The following CENPP variants were observed in gnomAD, a reference collection of about 807,000 sequenced individuals.
CENPP encodes the protein centromere protein P.
A neutral mutation model predicts 35.6 loss-of-function variants in CENPP; 24 were observed. The ratio of observed to expected loss-of-function variants is 0.67; its 90% CI spans 0.49 to 0.95. CENPP has a LOEUF of 0.95. Ranked by LOEUF, CENPP falls within the 40% of genes least tolerant of loss-of-function variation. The pLI is 0.00. For synonymous variants in CENPP, 120 were observed against 125.5 expected, an observed-to-expected ratio of 0.96 and a Z score of 0.29; for missense variants, 332 against 345.3, an observed-to-expected ratio of 0.96 and a Z score of 0.31.
intron 5 of CENPP, among the ~76,000 whole-genome samples, chr9:92,572,802 T>C (rs1217967828): frequency 6.6e-6 from 1 of 152,210 alleles, no homozygotes; most frequent in East Asian, 1.9e-4. Flanking sequence ...TTATTCTTTT[T>C]TTCTCTAAAC....
At chr9:92,391,774 A>G (rs1340439191) in intron 5 of CENPP, among the ~76,000 whole-genome samples, 2 of 152,232 alleles carry the variant, frequency 1.3e-5, no homozygotes, top group African/African-American at 4.8e-5. Context: ...GGGAATGTGC[A>G]TGTCAAGTAA....
chr9:92,557,316 C>T (rs992989894), intron 5 of CENPP, among the ~76,000 whole-genome samples: 4 of 152,158 alleles, frequency 2.6e-5, no homozygotes, highest in Admixed American at 1.3e-4. Context: ...GATCATTTTG[C>T]GATGAATTTC....
chr9:92,428,248 C>G (rs1285255659), intron 5 of CENPP, among the ~76,000 whole-genome samples: 1 of 152,150 alleles, frequency 6.6e-6, no homozygotes, highest in Non-Finnish European at 1.5e-5. Context: ...CCATGCCAAC[C>G]CTGACCACTC....
At chr9:92,394,632 T>C (rs1842819368) in intron 5 of CENPP, among the ~76,000 whole-genome samples, 1 of 152,034 alleles carries the variant, frequency 6.6e-6, no homozygotes, top group Non-Finnish European at 1.5e-5. Context: ...TGAGATGAAG[T>C]CTCGCTTCGT....
intron 4 of CENPP, among the ~76,000 whole-genome samples, chr9:92,351,286 C>T (rs1172098505): frequency 6.6e-6 from 1 of 151,980 alleles, no homozygotes; most frequent in East Asian, 1.9e-4. Flanking sequence ...GTCAGGAGTT[C>T]AAATCCAGCA....
At chr9:92,385,716 A>G in intron 5 of CENPP, 1 of 1,614,164 alleles carries the variant, frequency 6.2e-7, no homozygotes, top group Non-Finnish European at 8.5e-7. Flanking sequence ...GTATCTCTTC[A>G]ATGCGGTCCC....
intron 5 of CENPP, among the ~76,000 whole-genome samples, chr9:92,585,498 T>G (rs1056205904): frequency 5.9e-5 from 9 of 152,208 alleles, no homozygotes; most frequent in African/African-American, 1.9e-4. Context: ...TGTATGGACT[T>G]GATTTCATTT....
chr9:92,505,390 C>A, intron 5 of CENPP: 1 of 715,728 alleles, frequency 1.4e-6, no homozygotes, highest in African/African-American at 1.9e-5. Flanking sequence ...GAAGAAAAAA[C>A]AATGCTTAAA....
chr9:92,380,104 G>A (rs1011194283), intron 5 of CENPP, among the ~76,000 whole-genome samples: 6 of 152,094 alleles, frequency 3.9e-5, no homozygotes, highest in African/African-American at 7.2e-5. Context: ...TTTAAAATCC[G>A]CATTTTGGAA....
At chr9:92,344,828 G>A (rs1445273349) in intron 3 of CENPP, among the ~76,000 whole-genome samples, 4 of 150,962 alleles carry the variant, frequency 2.6e-5, no homozygotes, top group African/African-American at 9.7e-5. Flanking sequence ...GATTACAGGC[G>A]TGAGCCACCG....
chr9:92,492,153 C>G (rs991980804), intron 5 of CENPP, among the ~76,000 whole-genome samples: 2 of 152,154 alleles, frequency 1.3e-5, no homozygotes, highest in African/African-American at 4.8e-5. Context: ...TTAGAGAAAC[C>G]ATTTTTGCCT....
intron 5 of CENPP, among the ~76,000 whole-genome samples, chr9:92,465,577 T>C (rs1255375619): frequency 6.6e-6 from 1 of 152,202 alleles, no homozygotes; most frequent in African/African-American, 2.4e-5. Context: ...GGAGATGGCA[T>C]GGTTATATGA....
chr9:92,594,101 G>C (rs1215376609), intron 5 of CENPP, among the ~76,000 whole-genome samples: 3 of 152,062 alleles, frequency 2.0e-5, no homozygotes. Context: ...GGGAAACTGG[G>C]TGTGGGATAT....
chr9:92,619,014 T>C lies in CENPP; in HGVS notation c.*5865T>C, dbSNP rs1851536984. The C allele has an allele frequency of 4.2e-6, 1 of 236,488 alleles. No homozygotes were observed. Among genetic ancestry groups the C allele is most frequent in the Non-Finnish European group, 8.4e-6 (1 of 119,132 alleles). 14.6% of individuals were successfully genotyped at this position (236,488 alleles called of 1,614,324 possible). ...TGACATTAGGGAGAGGGGCGGCACA[T>C]AGGCTGGTTATTCAGAAGAGGAAGC... On this transcript the variant is annotated 3_prime_UTR_variant, in exon 8 of 8. Transcript: ENST00000375587.
At position 92,616,235 on chromosome 9, in the gene CENPP, C is replaced by T; in HGVS notation, c.*3086C>T. 3.6e-6 allele frequency: 2 copies of T among 560,102 alleles called. No homozygotes were observed. The highest frequency in any genetic ancestry group is 2.0e-5 in the South Asian group (1 of 49,502). The allele number at this position is 560,102 out of a possible 1,614,324, so 34.7% of individuals were successfully genotyped here. The stretch of plus-strand genomic sequence containing the variant: ...AAGTGAATGGCCTCACACCCCAGCT[C>T]ACAAAGAGCACTCGTTCTGTGCACC... On this transcript the variant is annotated 3_prime_UTR_variant, in exon 8 of 8. Transcript: ENST00000375587.
chr9:92,445,090 C>T (rs770507610), intron 5 of CENPP, among the ~76,000 whole-genome samples: 72 of 152,102 alleles, frequency 4.7e-4, no homozygotes, highest in Non-Finnish European at 7.9e-4. Flanking sequence ...TGCACTAAAC[C>T]CTCTGGGCTC....
At chr9:92,393,031 A>G (rs2130903142) in intron 5 of CENPP, 1 of 1,434,152 alleles carries the variant, frequency 7.0e-7, no homozygotes, top group Non-Finnish European at 9.6e-7. Context: ...TTGTGTTTAT[A>G]TGAGTTAAAT....
chr9:92,483,179 C>G (rs1413710853), intron 5 of CENPP, among the ~76,000 whole-genome samples: 1 of 152,038 alleles, frequency 6.6e-6, no homozygotes, highest in African/African-American at 2.4e-5. Flanking sequence ...CACTCATCCC[C>G]AAGAGACTGC....
chr9:92,381,429 C>T (rs1028195668), intron 5 of CENPP, among the ~76,000 whole-genome samples: 10 of 151,712 alleles, frequency 6.6e-5, no homozygotes, highest in South Asian at 2.1e-4. Context: ...GGACTACAGG[C>T]ACACGCCACC....
Sources: allele counts gnomAD v4.1 joint callset (sites outside exome capture counted in the v4.1 genomes callset), GRCh38; gene constraint gnomAD v4.1.1; transcripts MANE v1.5; gene names NCBI Gene and HGNC (gene_info 2026-07-23, HGNC 2026-07-21).